Variants in CEP128 observed in about 807,000 individuals in gnomAD.
The protein encoded by CEP128 is centrosomal protein 128kDa.
CEP128 carries 132 observed loss-of-function variants against 156.7 expected under a neutral mutation model. The observed-to-expected ratio is 0.84, with a 90% CI of 0.73 to 0.97. CEP128 has a LOEUF of 0.97. Ranked by LOEUF, CEP128 falls within the 50% of genes least tolerant of loss-of-function variation. CEP128 has a pLI of 0.00. For missense variants in CEP128, 1,252 were observed against 1,281.9 expected (o/e 0.98, Z 0.36); for synonymous variants, 469 against 448.9 (o/e 1.04, Z -0.57).
At chr14:80,677,508 C>CAAAAAAAAAAAAAAA (rs57636757) in intron 19 of CEP128, among the ~76,000 whole-genome samples, 1 of 94,060 alleles carries the variant, frequency 1.1e-5, no homozygotes, top group African/African-American at 3.6e-5. Flanking sequence ...GACTCCGTCT[C>CAAAAAAAAAAAAAAA]AAAAAAAAAA....
chr14:80,895,715 C>T lies in CEP128; in HGVS notation c.645+3G>A. 2 of 1,550,198 alleles carry T rather than the reference C, an allele frequency of 1.3e-6. No individual in the cohort carries two copies. The highest frequency in any genetic ancestry group is 1.7e-6 in the Non-Finnish European group (2 of 1,147,462). On this transcript the variant is annotated splice_donor_region_variant and intron_variant, in intron 8 of 24. Coordinates refer to ENST00000555265, the MANE Select transcript of CEP128 (RefSeq NM_152446.5). ...AAACTTTTTATTAAAAAAGAGATCT[C>T]ACCACTTCTTGTTTCTGGGCTTCAT...
At chr14:80,683,733 T>C (rs1486508736) in intron 19 of CEP128, among the ~76,000 whole-genome samples, 1 of 152,048 alleles carries the variant, frequency 6.6e-6, no homozygotes, top group Non-Finnish European at 1.5e-5. Flanking sequence ...AAAGTCTCAA[T>C]ACATTCAAAA....
chr14:80,810,385 G>A (rs375616223), intron 13 of CEP128, among the ~76,000 whole-genome samples: 49 of 131,170 alleles, frequency 3.7e-4, no homozygotes, highest in African/African-American at 1.1e-3. Flanking sequence ...TGAACAATTC[G>A]ACAAGAAAAA....
At chr14:80,489,145 A>G (rs550582652), downstream of CEP128, among the ~76,000 whole-genome samples, 253 of 151,996 alleles carry the variant, frequency 1.7e-3, 1 homozygote, top group African/African-American at 5.3e-3. Context: ...AATAAAAAAA[A>G]AGAGAGAGAG....
intron 19 of CEP128, among the ~76,000 whole-genome samples, chr14:80,709,220 A>G (rs1411464344): frequency 6.6e-6 from 1 of 151,696 alleles, no homozygotes; most frequent in East Asian, 1.9e-4. Flanking sequence ...GCCACTGCAA[A>G]CTCTGCTTCC....
intron 8 of CEP128, among the ~76,000 whole-genome samples, chr14:80,883,390 T>C (rs2139328350): frequency 6.6e-6 from 1 of 151,950 alleles, no homozygotes; most frequent in Admixed American, 6.5e-5. Flanking sequence ...ATAAACTCAG[T>C]AAAGTTGCAG....
chr14:80,663,520 C>G (rs1895483856), intron 19 of CEP128, among the ~76,000 whole-genome samples: 1 of 152,122 alleles, frequency 6.6e-6, no homozygotes, highest in Admixed American at 6.5e-5. Context: ...TTGCTATTTT[C>G]CAGCCACCTT....
rs1356032491 is a variant in CEP128, at chr14:80,784,891, G to A, written c.2211+4C>T. ...GTATCATCAGGATAATTTAGCAGAG[G>A]TACCTTCAGAGTCCTGATATGATTC... is the stretch of plus-strand genomic sequence containing the variant. On this transcript the variant is annotated splice_donor_region_variant and intron_variant, in intron 15 of 24. Coordinates refer to ENST00000555265, the MANE Select transcript of CEP128 (RefSeq NM_152446.5). 4 of 1,593,260 alleles carry A rather than the reference G, an allele frequency of 2.5e-6. No homozygotes were observed. Among genetic ancestry groups the A allele is most frequent in the South Asian group, 2.3e-5 (2 of 87,294 alleles).
chr14:80,947,262 A>T (rs1290430097), intron 2 of CEP128, among the ~76,000 whole-genome samples: 7 of 152,072 alleles, frequency 4.6e-5, no homozygotes, highest in Admixed American at 6.5e-5. Flanking sequence ...TATTTTTTTC[A>T]CCTTGGCTCT....
intron 19 of CEP128, among the ~76,000 whole-genome samples, chr14:80,608,646 T>C (rs1194682589): frequency 6.6e-6 from 1 of 152,218 alleles, no homozygotes; most frequent in Non-Finnish European, 1.5e-5. Flanking sequence ...AGCTCTTAAA[T>C]GTATCATGCT....
intron 11 of CEP128, 139 bp from the exon 12 acceptor site, chr14:80,836,476 C>T (rs1886084682): frequency 1.2e-6 from 1 of 814,826 alleles, no homozygotes; most frequent in East Asian, 2.6e-5. Flanking sequence ...TCCATTTCCT[C>T]ATTCCTCTCA....
chr14:80,671,484 A>G (rs1895839170), intron 19 of CEP128, among the ~76,000 whole-genome samples: 1 of 152,200 alleles, frequency 6.6e-6, no homozygotes, highest in African/African-American at 2.4e-5. Flanking sequence ...TCAGGCTAAG[A>G]TCAATTCAGT....
At chr14:80,549,255 G>A (rs527547524) in intron 21 of CEP128, among the ~76,000 whole-genome samples, 1 of 152,284 alleles carries the variant, frequency 6.6e-6, no homozygotes, top group East Asian at 1.9e-4. Context: ...TGGGAAACTT[G>A]GCAGAACGGG....
At chr14:80,773,410 T>C (rs1166842868) in intron 16 of CEP128, among the ~76,000 whole-genome samples, 2 of 152,104 alleles carry the variant, frequency 1.3e-5, no homozygotes, top group Admixed American at 6.5e-5. Flanking sequence ...GAAGAAAACA[T>C]ATGCAGTATA....
At chr14:80,878,871 ATC>A (rs1459199851) in intron 8 of CEP128, among the ~76,000 whole-genome samples, 1 of 152,204 alleles carries the variant, frequency 6.6e-6, no homozygotes, top group East Asian at 1.9e-4. Flanking sequence ...CACTCTGAGC[ATC>A]TGTGTTGTGG....
intron 24 of CEP128, among the ~76,000 whole-genome samples, chr14:80,499,953 C>T (rs1266931846): frequency 6.6e-6 from 1 of 152,186 alleles, no homozygotes; most frequent in Non-Finnish European, 1.5e-5. Flanking sequence ...ACGGCCATAA[C>T]TTCCAGCAGG....
At chr14:80,661,385 A>C (rs1895397257) in intron 19 of CEP128, among the ~76,000 whole-genome samples, 1 of 152,170 alleles carries the variant, frequency 6.6e-6, no homozygotes, top group Non-Finnish European at 1.5e-5. Context: ...AGTACTTTAA[A>C]GATACAGGAG....
At chr14:80,513,389 TTTTAA>T (rs1391804843) in intron 23 of CEP128, among the ~76,000 whole-genome samples, 16 of 152,190 alleles carry the variant, frequency 1.1e-4, no homozygotes, top group Admixed American at 9.8e-4. Flanking sequence ...ATCTTGTTGC[TTTTAA>T]TTTTTTTTCC....
intron 18 of CEP128, among the ~76,000 whole-genome samples, chr14:80,746,712 G>A (rs145503443): frequency 6.2e-4 from 94 of 152,264 alleles, no homozygotes; most frequent in African/African-American, 1.6e-3. Context: ...ACCAAAAGCA[G>A]AAGCCATCAA....
Sources: gnomAD v4.1 joint callset for allele counts (sites outside exome capture counted in the v4.1 genomes callset) on GRCh38, gnomAD v4.1.1 for gene constraint, MANE v1.5 for transcripts, NCBI Gene and HGNC (gene_info 2026-07-23, HGNC 2026-07-21) for gene names.